The following RARS1 variants were observed in gnomAD, a reference collection of about 807,000 sequenced individuals.
The protein encoded by RARS1 is arginine--tRNA ligase, cytoplasmic.
In RARS1, 75 loss-of-function variants were observed where a neutral mutation model predicts 78.7. The ratio of observed to expected loss-of-function variants is 0.95; its 90% CI spans 0.79 to 1.15. The LOEUF (loss-of-function observed/expected upper bound fraction) is 1.15. Among genes scored for constraint, RARS1 ranks in the 50% most tolerant of loss-of-function variants. The pLI is 0.00. For missense variants in RARS1, 787 were observed against 787.5 expected, an observed-to-expected ratio of 1.00 and a Z score of 0.01; for synonymous variants, 273 against 268.2, an observed-to-expected ratio of 1.02 and a Z score of -0.18.
intron 12 of RARS1, among the ~76,000 whole-genome samples, chr5:168,513,481 A>G (rs1185724110): frequency 1.3e-5 from 2 of 151,950 alleles, no homozygotes; most frequent in East Asian, 3.9e-4. Context: ...CAACACACCA[A>G]GCTAATTTTT....
chr5:168,494,064 AAAAG>A, intron 4 of RARS1, 62 bp downstream of exon 4: 2 of 1,448,414 alleles, frequency 1.4e-6, no homozygotes, highest in South Asian at 1.2e-5. Flanking sequence ...TTGAAGTTAA[AAAAG>A]AACACACATT....
chr5:168,516,271 T>G (rs1447541764), intron 12 of RARS1, among the ~76,000 whole-genome samples: 2 of 152,200 alleles, frequency 1.3e-5, no homozygotes, highest in Admixed American at 1.3e-4. Flanking sequence ...GCAAAAATCC[T>G]TAATTACTTA....
intron 1 of RARS1, among the ~76,000 whole-genome samples, chr5:168,486,897 A>C (rs142565576): frequency 4.7e-4 from 71 of 152,196 alleles, no homozygotes; most frequent in Middle Eastern, 3.4e-3. Context: ...GGAGATAGAC[A>C]AGGGGGGAAT....
chr5:168,506,563 A>G (rs1272505303), intron 10 of RARS1, among the ~76,000 whole-genome samples, 159 bp from the exon 11 acceptor site: 1 of 152,220 alleles, frequency 6.6e-6, no homozygotes, highest in Non-Finnish European at 1.5e-5. Context: ...AGTGTTTCTC[A>G]TATATAGGGA....
chr5:168,518,436 C>A (rs1258637502), intron 14 of RARS1, among the ~76,000 whole-genome samples: 1 of 152,000 alleles, frequency 6.6e-6, no homozygotes, highest in Non-Finnish European at 1.5e-5. Context: ...AGAAATGGAA[C>A]TCTGCCCAAT....
chr5:168,490,935 G>A (rs949433412), intron 2 of RARS1, among the ~76,000 whole-genome samples: 3 of 151,790 alleles, frequency 2.0e-5, no homozygotes, highest in African/African-American at 7.3e-5. Context: ...TCAGGAGTTC[G>A]AGACCAGCCC....
intron 1 of RARS1, among the ~76,000 whole-genome samples, chr5:168,487,327 C>T (rs150057995): frequency 6.6e-6 from 1 of 151,860 alleles, no homozygotes; most frequent in African/African-American, 2.4e-5. Flanking sequence ...GAGCACACCA[C>T]TGCACCACAG....
intron 5 of RARS1, chr5:168,495,066 A>G: frequency 5.5e-6 from 3 of 541,480 alleles, no homozygotes; most frequent in Non-Finnish European, 8.3e-6. Context: ...CACAGATATC[A>G]CTGAAATAGA....
intron 7 of RARS1, among the ~76,000 whole-genome samples, chr5:168,499,527 C>G (rs1389452329): frequency 1.3e-5 from 2 of 151,982 alleles, no homozygotes; most frequent in Non-Finnish European, 2.9e-5. Flanking sequence ...TTTTTGTTTG[C>G]TTCATTTTAC....
chr5:168,495,569 A>G, intron 6 of RARS1, 133 bp downstream of exon 6: 1 of 1,354,948 alleles, frequency 7.4e-7, no homozygotes, highest in Admixed American at 2.5e-5. Context: ...GTTCTTCTTT[A>G]CAACCACCCA....
At chr5:168,504,854 G>T (rs566172528) in intron 9 of RARS1, among the ~76,000 whole-genome samples, 1 of 152,116 alleles carries the variant, frequency 6.6e-6, no homozygotes, top group African/African-American at 2.4e-5. Flanking sequence ...AGGCGTGATC[G>T]TGCATGCCTG....
At chr5:168,518,615 G>A (rs1342268436) in intron 14 of RARS1, among the ~76,000 whole-genome samples, 1 of 152,094 alleles carries the variant, frequency 6.6e-6, no homozygotes, top group Non-Finnish European at 1.5e-5. Flanking sequence ...GAAAACACTT[G>A]TTATCTTTTC....
intron 11 of RARS1, among the ~76,000 whole-genome samples, chr5:168,507,855 C>A (rs973883942): frequency 1.4e-5 from 2 of 142,640 alleles, no homozygotes; most frequent in African/African-American, 2.6e-5. Flanking sequence ...AACTGGGCAA[C>A]ATGGTGAAAC....
rs760849495 is a variant in RARS1 at position 168,518,039 on chromosome 5, G to A, written c.1850G>A (p.Cys617Tyr). The A allele has an allele frequency of 1.3e-5, 19 of 1,485,788 alleles. No individual in the cohort carries two copies. The highest frequency in any genetic ancestry group is 1.7e-5 in the Non-Finnish European group (19 of 1,103,716). The allele number at this position is 1,485,788 out of a possible 1,614,324, so 92.0% of individuals were successfully genotyped here. A position where few individuals can be genotyped will look rare whatever the true frequency, so the allele number is the denominator to read the frequency against. ...ACAGAGTTCTATGATAGCTGCTACT[G>A]TGTGGAGAAAGATAGACAGACTGGT... is the stretch of plus-strand genomic sequence containing the variant. Reference protein sequence around the residue: ...AFTEFYDSCYCVEKDRQTGKI... With the variant: ...AFTEFYDSCYYVEKDRQTGKI... Residue 617 changes from cysteine to tyrosine, a missense_variant, in exon 14 of 15, where the codon TGT becomes TAT. Physicochemically the swap from Cys to Tyr is radical, Grantham distance 194. Transcript: ENST00000231572.
At chr5:168,488,869 C>T (rs772624428) in intron 2 of RARS1, 133 bp downstream of exon 2, 11 of 1,092,340 alleles carry the variant, frequency 1.0e-5, no homozygotes, top group Non-Finnish European at 1.4e-5. Context: ...TATTCTTTTC[C>T]CTGCATTAGA....
In RARS1 at chr5:168,508,994, G is replaced by GTT. The variant is rs555141768; in HGVS notation, c.1347-1578_1347-1577dup. Among the ~76,000 whole-genome samples, 6 of 149,716 alleles carry GTT rather than the reference G, an allele frequency of 4.0e-5. No homozygotes were observed. In the South Asian group the frequency reaches 1.3e-3, roughly 32 times the overall value. On this transcript the variant is annotated intron_variant, in intron 11 of 14. Coordinates refer to ENST00000231572, the MANE Select transcript of RARS1 (RefSeq NM_002887.4). ...GGTCTAAAGGGGGTATTAGGCATCT[G>GTT]TTTTTTTTTTAAAGCTCTCGGTATT... is the stretch of plus-strand genomic sequence containing the variant.
chr5:168,509,309 C>T (rs1391045569), intron 11 of RARS1, among the ~76,000 whole-genome samples: 1 of 151,962 alleles, frequency 6.6e-6, no homozygotes, highest in Non-Finnish European at 1.5e-5. Flanking sequence ...CAGAATTTTA[C>T]AGGGCAAGTA....
Position 168,519,110 on chromosome 5 carries a change from A to T in RARS1, c.1903A>T (p.Met635Leu), listed in dbSNP as rs150166808. The change falls in exon 15 of 15, where the codon ATG (methionine) becomes TTG (leucine). Residue 635 changes from methionine (M) to leucine (L), a missense_variant. Transcript: ENST00000231572. ...GKILKVNMWRMLLCEAVAAVM... is the reference protein window; with the variant it reads ...GKILKVNMWRLLLCEAVAAVM... ...AATATTGAAGGTGAACATGTGGCGT[A>T]TGCTGCTATGTGAAGCAGTAGCTGC... 334 of 1,613,876 alleles carry T rather than the reference A, an allele frequency of 2.1e-4. 2 individuals carry two copies. The highest frequency in any genetic ancestry group is 2.5e-4 in the Non-Finnish European group (294 of 1,179,934).
At chr5:168,512,001 A>G (rs1023268175) in intron 12 of RARS1, among the ~76,000 whole-genome samples, 1 of 152,060 alleles carries the variant, frequency 6.6e-6, no homozygotes, top group African/African-American at 2.4e-5. Flanking sequence ...GGTAGCTGGG[A>G]CTATAGGCAC....
Sources: gnomAD v4.1 joint callset for allele counts (sites outside exome capture counted in the v4.1 genomes callset) on GRCh38, gnomAD v4.1.1 for gene constraint, MANE v1.5 for transcripts, NCBI Gene and HGNC (gene_info 2026-07-23, HGNC 2026-07-21) for gene names.